Variants in CERKL observed in about 807,000 individuals in gnomAD.
The protein encoded by CERKL is ceramide kinase-like protein.
Under a neutral mutation model 63.4 loss-of-function variants are expected in CERKL, and 61 were observed. That is an observed-to-expected ratio of 0.96 (90% CI 0.78 to 1.19). The LOEUF is 1.19. CERKL is among the 50% of genes most tolerant of loss of function. The probability of loss-of-function intolerance (pLI) is 0.00; values close to 1 mark genes in which losing one functional copy is unlikely to be tolerated. For missense variants in CERKL, 675 were observed against 655.5 expected, an observed-to-expected ratio of 1.03 and a Z score of -0.33; for synonymous variants, 250 against 230.5, an observed-to-expected ratio of 1.08 and a Z score of -0.77.
intron 2 of CERKL, among the ~76,000 whole-genome samples, chr2:181,594,374 T>C (rs1685113393): frequency 6.6e-6 from 1 of 152,160 alleles, no homozygotes; most frequent in Admixed American, 6.6e-5. Context: ...TTTGCTCAGG[T>C]ACAGTTAGTT....
At chr2:181,622,639 T>G (rs1686506126) in intron 1 of CERKL, among the ~76,000 whole-genome samples, 1 of 152,186 alleles carries the variant, frequency 6.6e-6, no homozygotes, top group Admixed American at 6.5e-5. Context: ...CAAAAATGAT[T>G]GAAGGATTTC....
chr2:181,555,752 C>CTTTT (rs34713780), intron 5 of CERKL, among the ~76,000 whole-genome samples: 8 of 120,150 alleles, frequency 6.7e-5, no homozygotes, highest in African/African-American at 1.3e-4. Context: ...CATTATTAAA[C>CTTTT]TTTTTTTTTT....
At chr2:181,595,525 GTAAA>G (rs1349951573) in intron 2 of CERKL, among the ~76,000 whole-genome samples, 5 of 152,102 alleles carry the variant, frequency 3.3e-5, no homozygotes, top group African/African-American at 9.7e-5. Context: ...TCTAAACACA[GTAAA>G]TAAAGTATAC....
intron 1 of CERKL, among the ~76,000 whole-genome samples, chr2:181,617,062 A>C (rs1210379732): frequency 6.6e-6 from 1 of 152,232 alleles, no homozygotes; most frequent in Non-Finnish European, 1.5e-5. Context: ...CTGGAGTGTC[A>C]GTATGAATCA....
At chr2:181,620,591 T>A (rs1207197734) in intron 1 of CERKL, among the ~76,000 whole-genome samples, 1 of 152,164 alleles carries the variant, frequency 6.6e-6, no homozygotes, top group Admixed American at 6.5e-5. Context: ...GAGAAGAAAC[T>A]TTACCTGAGA....
Position 181,537,569 on chromosome 2 carries a change from A to G in CERKL, c.*615T>C, listed in dbSNP as rs1440989343. ...ATTAGGGAGCAGTGAATCAAGGCAGACTTATGAAATCTGTATTATATTTGT... is the reference window on the plus strand; with the variant it reads ...ATTAGGGAGCAGTGAATCAAGGCAGGCTTATGAAATCTGTATTATATTTGT... On this transcript the variant is annotated 3_prime_UTR_variant, in exon 13 of 13. Transcript: ENST00000410087. 2.3e-6 allele frequency: 1 copy of G among 434,802 alleles called. No homozygotes were observed. The highest frequency in any genetic ancestry group is 2.0e-5 in the African/African-American group (1 of 49,006). 26.9% of individuals were successfully genotyped at this position (434,802 alleles called of 1,614,324 possible).
intron 2 of CERKL, among the ~76,000 whole-genome samples, chr2:181,589,426 G>C (rs889480776): frequency 2.0e-5 from 3 of 152,134 alleles, no homozygotes; most frequent in Admixed American, 6.5e-5. Flanking sequence ...TTTCATAATA[G>C]TAATATTATT....
chr2:181,536,715 A>ATGAGGTTCTATTTTAAATGACTTTCT lies in CERKL; in HGVS notation c.*1443_*1468dup, dbSNP rs1687122878. 3 of 237,264 alleles carry ATGAGGTTCTATTTTAAATGACTTTCT rather than the reference A, an allele frequency of 1.3e-5. No homozygotes were observed. Among genetic ancestry groups the ATGAGGTTCTATTTTAAATGACTTTCT allele is most frequent in the Non-Finnish European group, 2.5e-5 (3 of 117,802 alleles). 14.7% of individuals were successfully genotyped at this position (237,264 alleles called of 1,614,324 possible). The stretch of plus-strand genomic sequence containing the variant: ...TATTTTTATAGTTTGTTCATACTAT[A>ATGAGGTTCTATTTTAAATGACTTTCT]TGAGGTTCTATTTTAAATGACTTTC... On this transcript the variant is annotated 3_prime_UTR_variant, in exon 13 of 13. Coordinates refer to ENST00000410087, the MANE Select transcript of CERKL (RefSeq NM_201548.5).
intron 4 of CERKL, among the ~76,000 whole-genome samples, chr2:181,564,349 TA>T (rs1688574361): frequency 1.3e-5 from 2 of 152,294 alleles, no homozygotes; most frequent in African/African-American, 2.4e-5. Context: ...AAGTCTGAAA[TA>T]AATCAGCATG....
chr2:181,603,916 C>T lies in CERKL; in HGVS notation c.402G>A (p.Lys134=). Reference sequence around the variant, plus strand: ...AATTAATAAGATCAAGTGTAGAATTCTTTAGTTTATTTTGTTCCTTTTTCA... The same window carrying T: ...AATTAATAAGATCAAGTGTAGAATTTTTTAGTTTATTTTGTTCCTTTTTCA... The part of the protein sequence containing the change: ...ICLKKEQNKL[K]NSTLDLINLS... The change falls in exon 2 of 13, where the codon AAG becomes AAA. Residue 134 remains lysine, a synonymous_variant. Transcript: ENST00000410087. The T allele has an allele frequency of 6.2e-7, 1 of 1,612,916 alleles. No homozygotes were observed. The highest frequency in any genetic ancestry group is 2.2e-5 in the East Asian group (1 of 44,730).
chr2:181,613,928 GT>G (rs1158849598), intron 1 of CERKL, among the ~76,000 whole-genome samples: 1 of 152,114 alleles, frequency 6.6e-6, no homozygotes, highest in East Asian at 1.9e-4. Context: ...AAGGAAAATT[GT>G]TTTCTCACTC....
At chr2:181,611,385 G>T (rs1472287976) in intron 1 of CERKL, among the ~76,000 whole-genome samples, 1 of 152,064 alleles carries the variant, frequency 6.6e-6, no homozygotes, top group African/African-American at 2.4e-5. Flanking sequence ...AGAGGTCAGT[G>T]TAGTGGCTAA....
At chr2:181,564,020 T>C (rs1020682840) in intron 4 of CERKL, among the ~76,000 whole-genome samples, 6 of 152,134 alleles carry the variant, frequency 3.9e-5, no homozygotes, top group Non-Finnish European at 8.8e-5. Flanking sequence ...ATGAAACTGT[T>C]CCACCTCAGA....
At chr2:181,653,568 A>T (rs1466439190) in intron 1 of CERKL, among the ~76,000 whole-genome samples, 2 of 152,266 alleles carry the variant, frequency 1.3e-5, no homozygotes, top group Non-Finnish European at 2.9e-5. Context: ...AATACTAGTC[A>T]GCCATTAAAA....
rs530879968 is a variant in CERKL at position 181,634,672 on chromosome 2, A to G, written c.238+22097T>C. Among the ~76,000 whole-genome samples the G allele has an allele frequency of 1.4e-4, 21 of 152,264 alleles. No individual in the cohort carries two copies. The East Asian group carries it at 3.5e-3, about 25-fold the overall frequency. On this transcript the variant is annotated intron_variant, in intron 1 of 12. Transcript: ENST00000410087. ...ATGGGTTTTCTGATTTATCCAGTCTACTCAAGAATAATGAAAAAGATCATT... is the reference window on the plus strand; with the variant it reads ...ATGGGTTTTCTGATTTATCCAGTCTGCTCAAGAATAATGAAAAAGATCATT...
At chr2:181,634,396 T>A (rs778866898) in intron 1 of CERKL, among the ~76,000 whole-genome samples, 1 of 152,058 alleles carries the variant, frequency 6.6e-6, no homozygotes. Flanking sequence ...TATGATAATA[T>A]CCGTATCAAA....
At chr2:181,636,698 G>T (rs949428172) in intron 1 of CERKL, among the ~76,000 whole-genome samples, 4 of 152,038 alleles carry the variant, frequency 2.6e-5, no homozygotes, top group Non-Finnish European at 5.9e-5. Flanking sequence ...TTTCTAGAAT[G>T]GTTTCCTTGC....
At chr2:181,638,174 A>G (rs1687266947) in intron 1 of CERKL, among the ~76,000 whole-genome samples, 1 of 152,208 alleles carries the variant, frequency 6.6e-6, no homozygotes, top group South Asian at 2.1e-4. Context: ...AAAACCCAAC[A>G]TATTTTCTAG....
At chr2:181,601,702 G>A (rs1685465538) in intron 2 of CERKL, among the ~76,000 whole-genome samples, 2 of 152,360 alleles carry the variant, frequency 1.3e-5, no homozygotes, top group South Asian at 2.1e-4. Context: ...TAAGGAGTTG[G>A]CATCTCCTAC....
Sources: allele counts gnomAD v4.1 joint callset (sites outside exome capture counted in the v4.1 genomes callset), GRCh38; gene constraint gnomAD v4.1.1; transcripts MANE v1.5; gene names NCBI Gene and HGNC (gene_info 2026-07-23, HGNC 2026-07-21).